ATE1: variants seen among roughly 807,000 people sequenced by gnomAD.
ATE1 encodes the protein arginyl-tRNA--protein transferase 1.
A neutral mutation model predicts 70.5 loss-of-function variants in ATE1; 36 were observed. The observed-to-expected ratio is 0.51, with a 90% CI of 0.39 to 0.67. The LOEUF (loss-of-function observed/expected upper bound fraction) is 0.67, where lower values mean the gene tolerates loss of function less well. Among genes scored for constraint, ATE1 ranks in the 30% least tolerant of loss-of-function variants. ATE1 has a pLI of 0.00. For missense variants in ATE1, 593 were observed against 629.5 expected, an observed-to-expected ratio of 0.94 and a Z score of 0.62; for synonymous variants, 232 against 219.3, an observed-to-expected ratio of 1.06 and a Z score of -0.51.
At chr10:121,897,197 G>A (rs1950814139) in intron 7 of ATE1, among the ~76,000 whole-genome samples, 1 of 152,172 alleles carries the variant, frequency 6.6e-6, no homozygotes, top group African/African-American at 2.4e-5. Context: ...GCTGCTCTAA[G>A]TCTGCATAAA....
Position 121,743,472 on chromosome 10 carries a change from G to A in ATE1, c.*208C>T, listed in dbSNP as rs1297601818. ...TGATAAATCCCAATTATGGGGGCTA[G>A]GTCATAATGCAGTTTTAAAATCTTT... is the stretch of plus-strand genomic sequence containing the variant. On this transcript the variant is annotated 3_prime_UTR_variant, in exon 12 of 12. Coordinates refer to ENST00000224652, the MANE Select transcript of ATE1 (RefSeq NM_001001976.3). 1 of 989,132 alleles carries A rather than the reference G, an allele frequency of 1.0e-6. No individual in the cohort carries two copies. Among genetic ancestry groups the A allele is most frequent in the East Asian group, 3.4e-5 (1 of 29,588 alleles). The allele number at this position is 989,132 out of a possible 1,614,324, so 61.3% of individuals were successfully genotyped here.
At chr10:121,805,291 G>T (rs567239667) in intron 10 of ATE1, among the ~76,000 whole-genome samples, 2 of 152,218 alleles carry the variant, frequency 1.3e-5, no homozygotes, top group African/African-American at 4.8e-5. Flanking sequence ...ACAACTTGAA[G>T]TTACTAACTT....
At chr10:121,850,823 G>T (rs372220790) in intron 8 of ATE1, among the ~76,000 whole-genome samples, 14 of 152,270 alleles carry the variant, frequency 9.2e-5, no homozygotes, top group African/African-American at 3.4e-4. Context: ...CGGGTGCAGT[G>T]GCTCACGCCT....
intron 10 of ATE1, among the ~76,000 whole-genome samples, chr10:121,817,999 G>A (rs762889407): frequency 9.2e-5 from 14 of 152,068 alleles, no homozygotes; most frequent in South Asian, 2.1e-4. Context: ...TTAACAATAA[G>A]GATAGTTAAG....
At chr10:121,863,604 GT>G (rs1043627456) in intron 8 of ATE1, among the ~76,000 whole-genome samples, 1 of 150,684 alleles carries the variant, frequency 6.6e-6, no homozygotes, top group Admixed American at 6.6e-5. Flanking sequence ...AAATTCTTAA[GT>G]TTTTTTTTCA....
intron 10 of ATE1, among the ~76,000 whole-genome samples, chr10:121,832,570 C>T (rs1402226405): frequency 2.6e-5 from 4 of 152,260 alleles, no homozygotes; most frequent in East Asian, 3.9e-4. Flanking sequence ...GAATGTCTCA[C>T]GATATCTGAT....
intron 7 of ATE1, among the ~76,000 whole-genome samples, chr10:121,893,044 G>A (rs991758705): frequency 1.3e-5 from 2 of 152,028 alleles, no homozygotes; most frequent in Non-Finnish European, 2.9e-5. Context: ...TTGGGAGGCC[G>A]AGGCAGACAG....
chr10:121,746,709 T>C (rs773408566), intron 11 of ATE1, among the ~76,000 whole-genome samples: 2 of 151,940 alleles, frequency 1.3e-5, no homozygotes, highest in Admixed American at 6.6e-5. Flanking sequence ...CAAGGCTCTA[T>C]GCTCTGAATA....
At chr10:121,839,055 T>A (rs1462336462) in intron 9 of ATE1, among the ~76,000 whole-genome samples, 1 of 152,174 alleles carries the variant, frequency 6.6e-6, no homozygotes, top group African/African-American at 2.4e-5. Flanking sequence ...ATCCCCTGGC[T>A]GCCTTTCCTT....
At chr10:121,879,252 T>C (rs990033386) in intron 7 of ATE1, among the ~76,000 whole-genome samples, 2 of 152,186 alleles carry the variant, frequency 1.3e-5, no homozygotes, top group Non-Finnish European at 1.5e-5. Flanking sequence ...TGAAATGTAC[T>C]TCCCCCAGCT....
At chr10:121,853,561 A>G (rs2133892291) in intron 8 of ATE1, among the ~76,000 whole-genome samples, 1 of 152,256 alleles carries the variant, frequency 6.6e-6, no homozygotes, top group African/African-American at 2.4e-5. Flanking sequence ...AAAATCTGAA[A>G]AAAATCCAAA....
intron 11 of ATE1, among the ~76,000 whole-genome samples, chr10:121,776,192 T>C (rs1945731602): frequency 6.6e-6 from 1 of 152,190 alleles, no homozygotes; most frequent in Non-Finnish European, 1.5e-5. Flanking sequence ...ATTCCACTCT[T>C]CCAGTTAATT....
intron 8 of ATE1, among the ~76,000 whole-genome samples, chr10:121,868,595 G>C (rs368293180): frequency 6.6e-6 from 1 of 152,144 alleles, no homozygotes; most frequent in African/African-American, 2.4e-5. Flanking sequence ...GTTTGCCACA[G>C]ATCATCTCAT....
chr10:121,850,543 T>A (rs1005019709), intron 8 of ATE1, among the ~76,000 whole-genome samples: 1 of 152,186 alleles, frequency 6.6e-6, no homozygotes, highest in Non-Finnish European at 1.5e-5. Flanking sequence ...CTTGGTATCA[T>A]GAAATAATTT....
intron 8 of ATE1, among the ~76,000 whole-genome samples, chr10:121,847,320 T>C (rs371527157): frequency 6.6e-6 from 1 of 151,862 alleles, no homozygotes; most frequent in East Asian, 1.9e-4. Flanking sequence ...TGGTGGTGGG[T>C]ACCTGTAATC....
chr10:121,778,936 G>T (rs1213941955), intron 11 of ATE1, among the ~76,000 whole-genome samples: 1 of 152,042 alleles, frequency 6.6e-6, no homozygotes, highest in Non-Finnish European at 1.5e-5. Flanking sequence ...AAACGTGGAT[G>T]TTGTCTTGGC....
chr10:121,865,642 G>A (rs1248239260), intron 8 of ATE1, among the ~76,000 whole-genome samples: 1 of 152,214 alleles, frequency 6.6e-6, no homozygotes, highest in Non-Finnish European at 1.5e-5. Context: ...AGCAGCTACA[G>A]AGCCACCCGA....
intron 11 of ATE1, among the ~76,000 whole-genome samples, chr10:121,774,203 T>C (rs1945639682): frequency 1.3e-5 from 2 of 152,194 alleles, no homozygotes. Flanking sequence ...AAAAGAGACA[T>C]TAAAATACAG....
At chr10:121,913,713 C>CAG (rs1238779914) in intron 4 of ATE1, 77 bp downstream of exon 4, 12 of 975,420 alleles carry the variant, frequency 1.2e-5, no homozygotes, top group Non-Finnish European at 1.9e-5. Flanking sequence ...AATGACCCTT[C>CAG]CCCTTCCCAA....
Sources: gnomAD v4.1 joint callset for allele counts (sites outside exome capture counted in the v4.1 genomes callset) on GRCh38, gnomAD v4.1.1 for gene constraint, MANE v1.5 for transcripts, NCBI Gene and HGNC (gene_info 2026-07-23, HGNC 2026-07-21) for gene names.